Variants in BACE2 observed in about 807,000 individuals in gnomAD.
The protein encoded by BACE2 is beta-secretase 2.
In BACE2, 17 loss-of-function variants were observed where a neutral mutation model predicts 46.2. That is an observed-to-expected ratio of 0.37 (90% CI 0.25 to 0.55). BACE2 has a LOEUF of 0.55. Among genes scored for constraint, BACE2 ranks in the 20% least tolerant of loss-of-function variants. The pLI, the probability that BACE2 is intolerant of heterozygous loss-of-function variation, is 0.82. For synonymous variants in BACE2, 277 were observed against 295.9 expected, an observed-to-expected ratio of 0.94 and a Z score of 0.66; for missense variants, 595 against 698.1, an observed-to-expected ratio of 0.85 and a Z score of 1.66.
At chr21:41,264,982 T>C (rs1988031384) in intron 8 of BACE2, among the ~76,000 whole-genome samples, 1 of 152,216 alleles carries the variant, frequency 6.6e-6, no homozygotes, top group African/African-American at 2.4e-5. Flanking sequence ...AGACTCTGAC[T>C]CTAAATAAAT....
intron 6 of BACE2, among the ~76,000 whole-genome samples, chr21:41,247,961 A>G (rs1987521806): frequency 6.6e-6 from 1 of 152,158 alleles, no homozygotes; most frequent in African/African-American, 2.4e-5. Context: ...CTTCTGGTTA[A>G]GGGGAGGGCT....
intron 8 of BACE2, among the ~76,000 whole-genome samples, chr21:41,273,975 T>C (rs2088459126): frequency 6.6e-6 from 1 of 152,218 alleles, no homozygotes; most frequent in African/African-American, 2.4e-5. Flanking sequence ...GGTGATGATA[T>C]TTGGAGTTGG....
rs56241845 is a variant in BACE2, at chr21:41,226,835, G to A, written c.401+481G>A. Reference sequence around the variant, plus strand: ...AGGGGTTACGGTGTGGTTCATGGAAGCCATTTCTGTGGGTTGGTTTGCAAC... The same window carrying A: ...AGGGGTTACGGTGTGGTTCATGGAAACCATTTCTGTGGGTTGGTTTGCAAC... On this transcript the variant is annotated intron_variant, in intron 2 of 8. Transcript: ENST00000330333. Among the ~76,000 whole-genome samples the A allele has an allele frequency of 1.6e-3, 251 of 152,364 alleles. 1 individual carries two copies. The highest frequency in any genetic ancestry group is 5.7e-3 in the African/African-American group (239 of 41,590).
intron 1 of BACE2, among the ~76,000 whole-genome samples, chr21:41,189,795 A>C (rs184948948): frequency 6.6e-6 from 1 of 152,348 alleles, no homozygotes; most frequent in Non-Finnish European, 1.5e-5. Context: ...ATAGAGATAG[A>C]GACATAGACA....
At position 41,280,352 on chromosome 21, in the gene BACE2, A is replaced by G. The variant is rs1456613429; in HGVS notation, c.*4728A>G. The G allele has an allele frequency of 6.6e-6, 1 of 152,290 alleles. No homozygotes were observed. The highest frequency in any genetic ancestry group is 1.9e-4 in the East Asian group (1 of 5,188). 9.4% of individuals were successfully genotyped at this position (152,290 alleles called of 1,614,324 possible). ...CAGCTCTGCTGAGCCAGCCCAGCCC[A>G]TGCATTCCGAACATCCGACAGCTTC... is the stretch of plus-strand genomic sequence containing the variant. On this transcript the variant is annotated 3_prime_UTR_variant, in exon 9 of 9. Coordinates refer to ENST00000330333, the MANE Select transcript of BACE2 (RefSeq NM_012105.5).
At position 41,168,587 on chromosome 21, in the gene BACE2, C is replaced by T. The variant is rs1984469465; in HGVS notation, c.312+12C>T. 7.6e-6 allele frequency: 10 copies of T among 1,312,322 alleles called. No homozygotes were observed. Among genetic ancestry groups the T allele is most frequent in the Admixed American group, 3.2e-5 (1 of 31,368 alleles). 81.3% of individuals were successfully genotyped at this position (1,312,322 alleles called of 1,614,324 possible). A position where few individuals can be genotyped will look rare whatever the true frequency, so the allele number is the denominator to read the frequency against. ...CCCCCCCGCAGAAGGTAGGGACCCC[C>T]GGCTGCTGCCGCGGGCTTTTCGGGC... On this transcript the variant is annotated intron_variant, in intron 1 of 8. Coordinates refer to ENST00000330333, the MANE Select transcript of BACE2 (RefSeq NM_012105.5).
chr21:41,274,842 G>A (rs1007080824), intron 8 of BACE2, among the ~76,000 whole-genome samples: 3 of 152,192 alleles, frequency 2.0e-5, no homozygotes, highest in African/African-American at 7.2e-5. Context: ...AAGACTATGA[G>A]TCAGGTTGAT....
At chr21:41,274,813 G>A (rs889805985) in intron 8 of BACE2, among the ~76,000 whole-genome samples, 5 of 152,116 alleles carry the variant, frequency 3.3e-5, no homozygotes, top group Admixed American at 6.5e-5. Context: ...CCTGACCCCC[G>A]GAGGTCTCAC....
At chr21:41,179,826 A>AG in intron 1 of BACE2, 1 of 438,698 alleles carries the variant, frequency 2.3e-6, no homozygotes, top group Non-Finnish European at 4.2e-6. Context: ...TGCTTTCTCC[A>AG]GAAATGTCCC....
intron 1 of BACE2, among the ~76,000 whole-genome samples, chr21:41,206,508 G>T (rs572794823): frequency 1.3e-5 from 2 of 152,336 alleles, no homozygotes; most frequent in Non-Finnish European, 2.9e-5. Context: ...GAACCTTGAA[G>T]ACCTTATGCT....
At chr21:41,236,173 A>T (rs1201147408) in intron 2 of BACE2, among the ~76,000 whole-genome samples, 1 of 152,170 alleles carries the variant, frequency 6.6e-6, no homozygotes, top group Non-Finnish European at 1.5e-5. Flanking sequence ...GCAGTTTTCA[A>T]ACTCAAATGG....
chr21:41,250,668 C>A (rs1226562692), intron 6 of BACE2, 84 bp from the exon 7 acceptor site: 12 of 1,301,558 alleles, frequency 9.2e-6, no homozygotes, highest in Non-Finnish European at 1.3e-5. Flanking sequence ...GGGCATCTGG[C>A]GAGGTGGCTA....
At chr21:41,260,817 C>T (rs965962282) in intron 8 of BACE2, among the ~76,000 whole-genome samples, 5 of 152,262 alleles carry the variant, frequency 3.3e-5, no homozygotes, top group African/African-American at 9.6e-5. Flanking sequence ...AGGAGTCATC[C>T]GCAGTCATCT....
At chr21:41,223,709 G>A (rs1003697253) in intron 1 of BACE2, among the ~76,000 whole-genome samples, 1 of 152,216 alleles carries the variant, frequency 6.6e-6, no homozygotes, top group Non-Finnish European at 1.5e-5. Flanking sequence ...AGGTGCAGGG[G>A]TTAGGAACTT....
At chr21:41,190,745 T>C (rs1985539705) in intron 1 of BACE2, among the ~76,000 whole-genome samples, 1 of 152,208 alleles carries the variant, frequency 6.6e-6, no homozygotes, top group African/African-American at 2.4e-5. Context: ...ATGGTAATAC[T>C]AAGAGATGCC....
intron 8 of BACE2, among the ~76,000 whole-genome samples, chr21:41,274,459 T>C (rs2088463838): frequency 6.6e-6 from 1 of 152,204 alleles, no homozygotes; most frequent in African/African-American, 2.4e-5. Context: ...GGTGCCAAAA[T>C]ATTCATTTCT....
At chr21:41,205,517 C>T (rs953623291) in intron 1 of BACE2, among the ~76,000 whole-genome samples, 2 of 152,136 alleles carry the variant, frequency 1.3e-5, no homozygotes, top group Admixed American at 6.5e-5. Context: ...CATCTTTGTG[C>T]GTGATTGAAA....
Position 41,243,414 on chromosome 21 carries a change from C to T in BACE2, c.786C>T (p.Asp262=). 2 of 1,610,310 alleles carry T rather than the reference C, an allele frequency of 1.2e-6. No homozygotes were observed. Among genetic ancestry groups the T allele is most frequent in the Admixed American group, 1.7e-5 (1 of 59,308 alleles). ...TTGAACCAAGTTTGTATAAAGGAGA[C>T]ATCTGGTATACCCCTATTAAGGAAG... is the stretch of plus-strand genomic sequence containing the variant. The part of the protein sequence containing the change: ...GGIEPSLYKG[D]IWYTPIKEEW... The change falls in exon 5 of 9, where the codon GAC becomes GAT. Residue 262 remains aspartate, a synonymous_variant. Coordinates refer to ENST00000330333, the MANE Select transcript of BACE2 (RefSeq NM_012105.5).
chr21:41,236,994 C>G (rs986130567), intron 2 of BACE2, among the ~76,000 whole-genome samples: 1 of 152,280 alleles, frequency 6.6e-6, no homozygotes, highest in African/African-American at 2.4e-5. Context: ...AAAACATTAG[C>G]GATTATGTTT....
Sources: gnomAD v4.1 joint callset for allele counts (sites outside exome capture counted in the v4.1 genomes callset) on GRCh38, gnomAD v4.1.1 for gene constraint, MANE v1.5 for transcripts, NCBI Gene and HGNC (gene_info 2026-07-23, HGNC 2026-07-21) for gene names.